VTA1: variants seen among roughly 807,000 people sequenced by gnomAD.
VTA1 encodes vesicle trafficking 1.
In VTA1, 24 loss-of-function variants were observed where a neutral mutation model predicts 36.9. The ratio of observed to expected loss-of-function variants is 0.65; its 90% CI spans 0.47 to 0.91. The LOEUF (loss-of-function observed/expected upper bound fraction) is 0.91. Among genes scored for constraint, VTA1 ranks in the 40% least tolerant of loss-of-function variants. The probability of loss-of-function intolerance (pLI) is 0.00; values close to 1 mark genes in which losing one functional copy is unlikely to be tolerated. For synonymous variants in VTA1, 142 were observed against 130.2 expected (o/e 1.09, Z -0.62); for missense variants, 393 against 377.2 (o/e 1.04, Z -0.35).
intron 4 of VTA1, among the ~76,000 whole-genome samples, chr6:142,176,919 A>G (rs186796124): frequency 6.6e-6 from 1 of 152,290 alleles, no homozygotes; most frequent in Non-Finnish European, 1.5e-5. Context: ...AATAAGGCAC[A>G]TGAATAGCTG....
chr6:142,147,764 A>G (rs895337757), intron 1 of VTA1, among the ~76,000 whole-genome samples: 11 of 152,256 alleles, frequency 7.2e-5, no homozygotes, highest in Admixed American at 3.3e-4. Context: ...AGTGTCCGAA[A>G]GAAGGAGTGA....
At chr6:142,207,509 G>A (rs1276304519) in intron 7 of VTA1, among the ~76,000 whole-genome samples, 1 of 152,052 alleles carries the variant, frequency 6.6e-6, no homozygotes. Flanking sequence ...CCCCTACCTA[G>A]CCTGCCTTCC....
intron 4 of VTA1, among the ~76,000 whole-genome samples, chr6:142,186,267 A>G (rs1310883346): frequency 6.6e-6 from 1 of 152,154 alleles, no homozygotes; most frequent in Non-Finnish European, 1.5e-5. Flanking sequence ...TAGTCAGTGA[A>G]TGGGATAGGG....
At chr6:142,152,726 C>T (rs2114628132) in intron 1 of VTA1, among the ~76,000 whole-genome samples, 1 of 151,932 alleles carries the variant, frequency 6.6e-6, no homozygotes, top group Non-Finnish European at 1.5e-5. Context: ...CCTGTTTAAC[C>T]TTCTCATGAA....
intron 4 of VTA1, among the ~76,000 whole-genome samples, chr6:142,175,306 T>C (rs1055637213): frequency 3.3e-5 from 5 of 151,972 alleles, no homozygotes; most frequent in Non-Finnish European, 5.9e-5. Context: ...ATTTTCAGGT[T>C]TTCTGTCATG....
intron 7 of VTA1, among the ~76,000 whole-genome samples, chr6:142,204,395 A>T (rs1267838214): frequency 1.3e-5 from 2 of 152,106 alleles, no homozygotes; most frequent in East Asian, 1.9e-4. Flanking sequence ...CGAGATTACC[A>T]TGAGTTCTGA....
At chr6:142,155,727 T>C (rs1323786604) in intron 1 of VTA1, among the ~76,000 whole-genome samples, 1 of 152,152 alleles carries the variant, frequency 6.6e-6, no homozygotes, top group Non-Finnish European at 1.5e-5. Flanking sequence ...TGACACCTCT[T>C]CTCTTCCCCA....
chr6:142,147,463 C>G (rs1778471134), intron 1 of VTA1, 64 bp downstream of exon 1: 6 of 1,492,510 alleles, frequency 4.0e-6, no homozygotes, highest in Non-Finnish European at 5.5e-6. Flanking sequence ...CACACACCTC[C>G]CTGAGGTTCT....
intron 4 of VTA1, among the ~76,000 whole-genome samples, chr6:142,183,143 A>G (rs1250815192): frequency 6.6e-6 from 1 of 152,176 alleles, no homozygotes; most frequent in Non-Finnish European, 1.5e-5. Context: ...GGCAAAAATC[A>G]CAATTACTTT....
At chr6:142,157,796 C>A (rs78915885) in intron 1 of VTA1, among the ~76,000 whole-genome samples, 5,345 of 151,072 alleles carry the variant, frequency 0.035, 315 homozygotes, top group African/African-American at 0.12. Flanking sequence ...TGGGCTGTTA[C>A]ATTTACATTT....
chr6:142,219,382 T>C lies in VTA1; in HGVS notation c.*739T>C, dbSNP rs1007693022. 2.6e-5 allele frequency: 4 copies of C among 152,226 alleles called. No individual in the cohort carries two copies. The highest frequency in any genetic ancestry group is 5.9e-5 in the Non-Finnish European group (4 of 68,036). 9.4% of individuals were successfully genotyped at this position (152,226 alleles called of 1,614,324 possible). On this transcript the variant is annotated 3_prime_UTR_variant, in exon 8 of 8. Transcript: ENST00000367630. ...TTAGAGAATGAAAAGAAGATATTTG[T>C]AGTAATGCCTGGAAACTTGGTGCTT...
chr6:142,188,845 A>G lies in VTA1; in HGVS notation c.412-581A>G, dbSNP rs554686149. 1.6e-4 allele frequency among the ~76,000 whole-genome samples: 24 copies of G among 152,326 alleles called. 1 individual carries two copies. In the South Asian group the frequency reaches 5.0e-3, roughly 32 times the overall value. The stretch of plus-strand genomic sequence containing the variant: ...AGAAGAGGCAGCTAACAGGTTCTTC[A>G]TGATCTTTTCAGTTAACCCAATGAG... On this transcript the variant is annotated intron_variant, in intron 4 of 7. Coordinates refer to ENST00000367630, the MANE Select transcript of VTA1 (RefSeq NM_016485.5).
chr6:142,197,970 G>A (rs1461524125), intron 5 of VTA1, among the ~76,000 whole-genome samples: 4 of 150,768 alleles, frequency 2.7e-5, no homozygotes, highest in Admixed American at 1.3e-4. Flanking sequence ...GGTGGCAGGC[G>A]CCTGTAGTCC....
chr6:142,172,909 T>A (rs760836473), intron 4 of VTA1, among the ~76,000 whole-genome samples: 1 of 151,644 alleles, frequency 6.6e-6, no homozygotes, highest in Non-Finnish European at 1.5e-5. Flanking sequence ...TGGGGTGCTT[T>A]GTATAATAGG....
At position 142,171,320 on chromosome 6, in the gene VTA1, C is replaced by T. The variant is rs186749207; in HGVS notation, c.411+899C>T. Among the ~76,000 whole-genome samples, 54 of 152,122 alleles carry T rather than the reference C, an allele frequency of 3.5e-4. 1 individual carries two copies. In the East Asian group the frequency reaches 0.011, roughly 30 times the overall value. On this transcript the variant is annotated intron_variant, in intron 4 of 7. Coordinates refer to ENST00000367630, the MANE Select transcript of VTA1 (RefSeq NM_016485.5). ...ATGTTGGTCAGGCTGGTTTTGAACT[C>T]CTGACCTCAGGTAATCCGCCCACCT...
In VTA1 at chr6:142,223,822, T is replaced by G. The variant is rs1315716209; in HGVS notation, c.*5179T>G. 1 of 152,062 alleles carries G rather than the reference T, an allele frequency of 6.6e-6. No individual in the cohort carries two copies. Among genetic ancestry groups the G allele is most frequent in the Non-Finnish European group, 1.5e-5 (1 of 68,042 alleles). 9.4% of individuals were successfully genotyped at this position (152,062 alleles called of 1,614,324 possible). On this transcript the variant is annotated 3_prime_UTR_variant, in exon 8 of 8. Coordinates refer to ENST00000367630, the MANE Select transcript of VTA1 (RefSeq NM_016485.5). ...TCACAGATAAGGTTGAGCTGAAGGTTTGGCAGGCAGGGAAGCAAGGAGAAG... is the reference window on the plus strand; with the variant it reads ...TCACAGATAAGGTTGAGCTGAAGGTGTGGCAGGCAGGGAAGCAAGGAGAAG...
At chr6:142,166,366 T>C (rs764422499) in intron 2 of VTA1, 44 bp downstream of exon 2, 3 of 1,398,594 alleles carry the variant, frequency 2.1e-6, no homozygotes, top group South Asian at 2.4e-5. Flanking sequence ...ATGGTTAAAA[T>C]ACCATTTTAT....
chr6:142,166,229 T>C lies in VTA1; in HGVS notation c.114T>C (p.Cys38=). The change falls in exon 2 of 8, where the codon TGT becomes TGC. Residue 38 remains cysteine, a splice_region_variant and synonymous_variant. Transcript: ENST00000367630. ...AAATTATCTTACTTTTCTTTCTAGG[T>C]CGTTTATACGCAATGCAGACTGGAA... The part of the protein sequence containing the change: ...DKRDPVVAYY[C]RLYAMQTGMK... 6.3e-7 allele frequency: 1 copy of C among 1,594,480 alleles called. No homozygotes were observed. The highest frequency in any genetic ancestry group is 8.5e-7 in the Non-Finnish European group (1 of 1,169,692).
At chr6:142,188,225 CTTTTTTTTTTTT>C (rs200348683) in intron 4 of VTA1, among the ~76,000 whole-genome samples, 21 of 78,928 alleles carry the variant, frequency 2.7e-4, no homozygotes, top group Non-Finnish European at 5.2e-4. Flanking sequence ...TTCTTTATTT[CTTTTTTTTTTTT>C]TTTTTTTTTT....
Sources: allele counts gnomAD v4.1 joint callset (sites outside exome capture counted in the v4.1 genomes callset), GRCh38; gene constraint gnomAD v4.1.1; transcripts MANE v1.5; gene names NCBI Gene and HGNC (gene_info 2026-07-23, HGNC 2026-07-21).